The following UBTD2 variants were observed in gnomAD, a reference collection of about 807,000 sequenced individuals.
UBTD2 encodes ubiquitin domain-containing protein 2.
Under a neutral mutation model 19.8 loss-of-function variants are expected in UBTD2, and 9 were observed. The observed-to-expected ratio is 0.46, with a 90% CI of 0.27 to 0.79. The LOEUF is 0.79. Among genes scored for constraint, UBTD2 ranks in the 30% least tolerant of loss-of-function variants. UBTD2 has a pLI of 0.14. For missense variants in UBTD2, 250 were observed against 300.4 expected (o/e 0.83, Z 1.24); for synonymous variants, 98 against 103.9 (o/e 0.94, Z 0.35).
At chr5:172,270,589 C>T (rs1235649041) in intron 1 of UBTD2, among the ~76,000 whole-genome samples, 3 of 151,860 alleles carry the variant, frequency 2.0e-5, no homozygotes, top group Non-Finnish European at 2.9e-5. Context: ...CTCCTGACCT[C>T]GTGATCTGCC....
chr5:172,252,896 G>T (rs969069676), intron 1 of UBTD2, among the ~76,000 whole-genome samples: 2 of 152,076 alleles, frequency 1.3e-5, no homozygotes, highest in Admixed American at 6.6e-5. Context: ...ACAGAACTGG[G>T]ACTAACATGT....
intron 1 of UBTD2, among the ~76,000 whole-genome samples, chr5:172,278,555 A>C (rs931565620): frequency 3.3e-5 from 5 of 152,016 alleles, no homozygotes; most frequent in Non-Finnish European, 5.9e-5. Context: ...CATACAATGG[A>C]ATATTATTTA....
At chr5:172,212,330 A>G (rs959487171) in intron 2 of UBTD2, 103 bp from the exon 3 acceptor site, 6 of 1,289,760 alleles carry the variant, frequency 4.7e-6, no homozygotes, top group Non-Finnish European at 6.3e-6. Context: ...ATGGCACTGT[A>G]GAGAAAAAAC....
At chr5:172,213,370 A>T (rs954027618) in intron 2 of UBTD2, among the ~76,000 whole-genome samples, 2 of 152,214 alleles carry the variant, frequency 1.3e-5, no homozygotes, top group Admixed American at 1.3e-4. Context: ...TGACAGCCTT[A>T]GCAGCTGCCA....
At chr5:172,213,311 T>C (rs1471951084) in intron 2 of UBTD2, among the ~76,000 whole-genome samples, 1 of 152,148 alleles carries the variant, frequency 6.6e-6, no homozygotes, top group Non-Finnish European at 1.5e-5. Flanking sequence ...ACTTCCTAAA[T>C]TGAAGCACTT....
intron 1 of UBTD2, among the ~76,000 whole-genome samples, chr5:172,241,549 A>T (rs1050823368): frequency 3.9e-5 from 6 of 152,150 alleles, no homozygotes; most frequent in Non-Finnish European, 7.3e-5. Context: ...CTAGTTGCAG[A>T]TAATATATCA....
At chr5:172,273,590 C>CAA (rs35687001) in intron 1 of UBTD2, among the ~76,000 whole-genome samples, 409 of 36,304 alleles carry the variant, frequency 0.011, 42 homozygotes, top group East Asian at 0.098. Flanking sequence ...GACTCCGTCT[C>CAA]AAAAAAAAAA....
At chr5:172,266,999 C>T (rs750867764) in intron 1 of UBTD2, among the ~76,000 whole-genome samples, 8 of 145,466 alleles carry the variant, frequency 5.5e-5, no homozygotes, top group Non-Finnish European at 7.5e-5. Flanking sequence ...GAACTCTGAT[C>T]ACACCACTGC....
intron 1 of UBTD2, among the ~76,000 whole-genome samples, chr5:172,258,841 G>C (rs1433062175): frequency 6.6e-6 from 1 of 152,178 alleles, no homozygotes; most frequent in African/African-American, 2.4e-5. Flanking sequence ...CGATCTAGGA[G>C]CTTTTGGGCA....
intron 1 of UBTD2, among the ~76,000 whole-genome samples, chr5:172,244,639 C>T (rs897695675): frequency 2.0e-5 from 3 of 152,000 alleles, no homozygotes; most frequent in African/African-American, 4.8e-5. Context: ...ACATTTGGTG[C>T]AGGTCAAGAT....
chr5:172,234,679 G>A (rs1056588275), intron 1 of UBTD2, among the ~76,000 whole-genome samples: 1 of 152,202 alleles, frequency 6.6e-6, no homozygotes, highest in Non-Finnish European at 1.5e-5. Flanking sequence ...GGCTGAGGTG[G>A]AAGGAAGGCT....
At chr5:172,274,210 G>A (rs897534518) in intron 1 of UBTD2, among the ~76,000 whole-genome samples, 52 of 147,864 alleles carry the variant, frequency 3.5e-4, no homozygotes, top group African/African-American at 1.2e-3. Context: ...GCACAATCTC[G>A]GCTCACTGCA....
intron 1 of UBTD2, among the ~76,000 whole-genome samples, chr5:172,256,529 GCTT>G (rs1755156007): frequency 8.2e-6 from 1 of 121,274 alleles, no homozygotes; most frequent in African/African-American, 3.6e-5. Flanking sequence ...ACCATGCCCA[GCTT>G]TTTTTTTTTT....
At chr5:172,270,114 C>G (rs1399606512) in intron 1 of UBTD2, among the ~76,000 whole-genome samples, 1 of 150,974 alleles carries the variant, frequency 6.6e-6, no homozygotes, top group African/African-American at 2.4e-5. Flanking sequence ...GAGTCTTGCT[C>G]TGTCACCAAG....
chr5:172,244,055 ATTT>A (rs1772187125), intron 1 of UBTD2, among the ~76,000 whole-genome samples: 1 of 151,980 alleles, frequency 6.6e-6, no homozygotes, highest in Admixed American at 6.6e-5. Flanking sequence ...GCAACGTTCT[ATTT>A]GGGCCCATGC....
At chr5:172,254,689 C>A (rs1418260508) in intron 1 of UBTD2, 2 of 543,172 alleles carry the variant, frequency 3.7e-6, no homozygotes, top group African/African-American at 2.2e-5. Context: ...TCTTCCCAGG[C>A]TGCAAGATGA....
At chr5:172,259,165 C>A (rs1032783665) in intron 1 of UBTD2, among the ~76,000 whole-genome samples, 7 of 151,880 alleles carry the variant, frequency 4.6e-5, no homozygotes, top group Admixed American at 1.3e-4. Context: ...TTTTTTGAGA[C>A]AGAGTCTCGT....
At position 172,211,797 on chromosome 5, in the gene UBTD2, G is replaced by C. The variant is rs1217537512; in HGVS notation, c.*33C>G. ...ACAACAAGAACCATAAAAAGGAGCAGAGGGATGTGGGAGCTGGCCAACAGG... is the reference window on the plus strand; with the variant it reads ...ACAACAAGAACCATAAAAAGGAGCACAGGGATGTGGGAGCTGGCCAACAGG... On this transcript the variant is annotated 3_prime_UTR_variant, in exon 3 of 3. Transcript: ENST00000393792. The C allele has an allele frequency of 2.6e-6, 4 of 1,551,870 alleles. No individual in the cohort carries two copies. In the African/African-American group the frequency reaches 5.5e-5, roughly 21 times the overall value.
intron 1 of UBTD2, among the ~76,000 whole-genome samples, chr5:172,272,628 T>C (rs756875672): frequency 1.3e-5 from 2 of 152,192 alleles, no homozygotes; most frequent in African/African-American, 4.8e-5. Flanking sequence ...CAAGAGATAA[T>C]TAATTCATCA....
Sources: gnomAD v4.1 joint callset for allele counts (sites outside exome capture counted in the v4.1 genomes callset) on GRCh38, gnomAD v4.1.1 for gene constraint, MANE v1.5 for transcripts, NCBI Gene and HGNC (gene_info 2026-07-23, HGNC 2026-07-21) for gene names.